Variants in TMEM132D observed in about 807,000 individuals in gnomAD.
TMEM132D encodes the protein transmembrane protein 132D, also known as mature OL transmembrane protein.
TMEM132D carries 21 observed loss-of-function variants against 62.3 expected under a neutral mutation model. That is an observed-to-expected ratio of 0.34 (90% CI 0.24 to 0.49). The LOEUF (loss-of-function observed/expected upper bound fraction) is 0.49, where lower values mean the gene tolerates loss of function less well. Ranked by LOEUF, TMEM132D falls within the 20% of genes least tolerant of loss-of-function variation. The probability of loss-of-function intolerance (pLI) is 0.99; values close to 1 mark genes in which losing one functional copy is unlikely to be tolerated. For missense variants in TMEM132D, 1,346 were observed against 1,402.8 expected (o/e 0.96, Z 0.65); for synonymous variants, 621 against 575.6 (o/e 1.08, Z -1.13).
At chr12:129,673,259 G>A (rs1420659480) in intron 2 of TMEM132D, among the ~76,000 whole-genome samples, 1 of 150,094 alleles carries the variant, frequency 6.7e-6, no homozygotes, top group Non-Finnish European at 1.5e-5. Context: ...TACAACATGT[G>A]GTCTTTTATG....
chr12:129,860,276 A>C (rs1192904233), intron 1 of TMEM132D, among the ~76,000 whole-genome samples: 1 of 152,234 alleles, frequency 6.6e-6, no homozygotes, highest in Admixed American at 6.5e-5. Context: ...AACATTCGAC[A>C]AGTCCACTGA....
chr12:129,254,283 A>G (rs1356323058), intron 4 of TMEM132D, among the ~76,000 whole-genome samples: 1 of 152,266 alleles, frequency 6.6e-6, no homozygotes, highest in Non-Finnish European at 1.5e-5. Flanking sequence ...TGATTTGATC[A>G]TTACACATTG....
chr12:129,839,150 G>T (rs1593182096), intron 1 of TMEM132D, among the ~76,000 whole-genome samples: 1 of 2,872 alleles, frequency 3.5e-4, no homozygotes, highest in Non-Finnish European at 9.3e-4. Context: ...TTTTTTTTTT[G>T]AGATGGAATC....
chr12:129,316,456 G>A (rs1004786700), intron 4 of TMEM132D, among the ~76,000 whole-genome samples: 1 of 152,132 alleles, frequency 6.6e-6, no homozygotes, highest in Non-Finnish European at 1.5e-5. Flanking sequence ...GCCTGGTTTA[G>A]TAGGTTTCTT....
chr12:129,395,512 C>A (rs6486458), intron 3 of TMEM132D, among the ~76,000 whole-genome samples: 11,844 of 151,982 alleles, frequency 0.078, 1,093 homozygotes, highest in African/African-American at 0.23. Flanking sequence ...AGGACGTTCA[C>A]TGCAACGTTT....
chr12:129,596,122 A>C (rs1472073195), intron 2 of TMEM132D, among the ~76,000 whole-genome samples: 1 of 152,186 alleles, frequency 6.6e-6, no homozygotes, highest in Non-Finnish European at 1.5e-5. Flanking sequence ...TGTACACAGG[A>C]GACAAATTGG....
intron 2 of TMEM132D, among the ~76,000 whole-genome samples, chr12:129,637,171 T>A (rs770066299): frequency 1.3e-5 from 2 of 152,214 alleles, no homozygotes; most frequent in Non-Finnish European, 2.9e-5. Context: ...ATAGCCTTTT[T>A]GAAAATGTCA....
At chr12:129,457,706 A>G (rs1873521584) in intron 3 of TMEM132D, among the ~76,000 whole-genome samples, 2 of 152,264 alleles carry the variant, frequency 1.3e-5, no homozygotes, top group South Asian at 4.2e-4. Flanking sequence ...AAGAAAAAGG[A>G]AGCATGTCTT....
intron 5 of TMEM132D, among the ~76,000 whole-genome samples, chr12:129,203,820 T>A (rs952130079): frequency 6.6e-6 from 1 of 152,226 alleles, no homozygotes; most frequent in Non-Finnish European, 1.5e-5. Flanking sequence ...CTGGTAAGTA[T>A]ACAGCTTGTC....
At chr12:129,693,844 C>T (rs113754673) in intron 2 of TMEM132D, among the ~76,000 whole-genome samples, 5,943 of 152,228 alleles carry the variant, frequency 0.039, 151 homozygotes, top group Admixed American at 0.058. Flanking sequence ...ATGTATGCGA[C>T]GTATGAACAA....
At chr12:129,241,354 T>A (rs1879933331) in intron 4 of TMEM132D, among the ~76,000 whole-genome samples, 1 of 152,094 alleles carries the variant, frequency 6.6e-6, no homozygotes, top group South Asian at 2.1e-4. Flanking sequence ...AACGGCAAAA[T>A]TCTTCCATGA....
At chr12:129,638,777 A>G (rs1879563900) in intron 2 of TMEM132D, among the ~76,000 whole-genome samples, 1 of 152,058 alleles carries the variant, frequency 6.6e-6, no homozygotes, top group Non-Finnish European at 1.5e-5. Flanking sequence ...TTTGTGAACA[A>G]GAGTCCCACT....
chr12:129,471,796 A>C (rs1243539382), intron 3 of TMEM132D, among the ~76,000 whole-genome samples: 2 of 152,240 alleles, frequency 1.3e-5, no homozygotes, highest in Non-Finnish European at 2.9e-5. Context: ...AGAATGTGAA[A>C]CAACCAACCT....
rs778608611 is a variant in TMEM132D, at chr12:129,074,946, G to A, written c.2229C>T (p.Val743=). Residue 743 remains valine, a synonymous_variant, in exon 9 of 9, where the codon GTC becomes GTT. Coordinates refer to ENST00000422113, the MANE Select transcript of TMEM132D (RefSeq NM_133448.3). ...TGAATTTGGGGTCTTGGTGGATGGA[G>A]ACTACCTTCTCATCCAAAGATGTGG... is the stretch of plus-strand genomic sequence containing the variant. ...LMATSLDEKV[V]SIHQDPKFKW... is the part of the protein sequence containing the mutation. 1.9e-6 allele frequency: 3 copies of A among 1,613,974 alleles called. No individual in the cohort carries two copies. Among genetic ancestry groups the A allele is most frequent in the African/African-American group, 1.3e-5 (1 of 74,978 alleles).
intron 5 of TMEM132D, among the ~76,000 whole-genome samples, chr12:129,194,634 T>C (rs1056457766): frequency 2.0e-5 from 3 of 152,164 alleles, no homozygotes; most frequent in African/African-American, 7.2e-5. Flanking sequence ...AAAATAAACA[T>C]TATCCATTAA....
At chr12:129,360,494 T>A (rs1359150858) in intron 3 of TMEM132D, among the ~76,000 whole-genome samples, 1 of 152,158 alleles carries the variant, frequency 6.6e-6, no homozygotes, top group Non-Finnish European at 1.5e-5. Flanking sequence ...GATGGGTTCT[T>A]AAAAGAGACG....
intron 2 of TMEM132D, among the ~76,000 whole-genome samples, chr12:129,621,417 A>G (rs1879063558): frequency 6.6e-6 from 1 of 152,074 alleles, no homozygotes; most frequent in Non-Finnish European, 1.5e-5. Context: ...CATGTTGTCT[A>G]TTCATGCACA....
intron 5 of TMEM132D, among the ~76,000 whole-genome samples, chr12:129,160,594 C>T (rs1877373953): frequency 6.6e-6 from 1 of 152,198 alleles, no homozygotes; most frequent in African/African-American, 2.4e-5. Flanking sequence ...AGTGTTTGAA[C>T]CCATGTACCC....
chr12:129,256,063 G>C (rs914020718), intron 4 of TMEM132D, among the ~76,000 whole-genome samples: 1 of 152,122 alleles, frequency 6.6e-6, no homozygotes, highest in African/African-American at 2.4e-5. Context: ...AACATGTCAG[G>C]GGCTTGACTT....
Sources: allele counts gnomAD v4.1 joint callset (sites outside exome capture counted in the v4.1 genomes callset), GRCh38; gene constraint gnomAD v4.1.1; transcripts MANE v1.5; gene names NCBI Gene and HGNC (gene_info 2026-07-23, HGNC 2026-07-21).